HECW2: variants seen among roughly 807,000 people sequenced by gnomAD.
The protein encoded by HECW2 is HECT, C2 and WW domain containing E3 ubiquitin protein ligase 2, also known as E3 ubiquitin-protein ligase HECW2.
A neutral mutation model predicts 175.2 loss-of-function variants in HECW2; 61 were observed. That is an observed-to-expected ratio of 0.35 (90% confidence interval 0.28 to 0.43). The LOEUF (loss-of-function observed/expected upper bound fraction) is 0.43. Ranked by LOEUF, HECW2 falls within the 20% of genes least tolerant of loss-of-function variation. The pLI, the probability that HECW2 is intolerant of heterozygous loss-of-function variation, is 1.00. For missense variants in HECW2, 1,524 were observed against 2,000.5 expected (o/e 0.76, Z 4.54); for synonymous variants, 671 against 731.0 (o/e 0.92, Z 1.32).
At chr2:196,395,119 A>G (rs1694623398) in intron 2 of HECW2, among the ~76,000 whole-genome samples, 2 of 152,142 alleles carry the variant, frequency 1.3e-5, no homozygotes, top group Admixed American at 6.5e-5. Context: ...TACTATCATC[A>G]CCTTGGGGGT....
Position 196,308,035 on chromosome 2 carries a change from C to A in HECW2, c.2485G>T (p.Val829Leu). ...SHGRIFYVDH[V>L]NRTTTWQRPT... ...CGCTGCCACGTCGTGGTTCTGTTTA[C>A]GTGATCCACGTAGAAGATCCTGCCG... Residue 829 changes from valine (V) to leucine (L), a missense_variant, in exon 11 of 29, where the codon GTA (valine) becomes TTA (leucine). Val to Leu is a conservative substitution (Grantham distance 32, BLOSUM62 1). Coordinates refer to ENST00000644978, the MANE Select transcript of HECW2 (RefSeq NM_001348768.2). The A allele has an allele frequency of 6.2e-7, 1 of 1,600,552 alleles. No homozygotes were observed. The highest frequency in any genetic ancestry group is 8.5e-7 in the Non-Finnish European group (1 of 1,170,210).
chr2:196,356,618 A>G (rs1243075560), intron 2 of HECW2, among the ~76,000 whole-genome samples: 1 of 152,188 alleles, frequency 6.6e-6, no homozygotes. Flanking sequence ...GCATTTTGTC[A>G]TCTTGCATCA....
intron 1 of HECW2, among the ~76,000 whole-genome samples, chr2:196,556,310 T>G (rs147724076): frequency 2.6e-5 from 4 of 152,186 alleles, no homozygotes; most frequent in Non-Finnish European, 5.9e-5. Context: ...GGCGAGAATA[T>G]GTAAGATCTA....
intron 1 of HECW2, among the ~76,000 whole-genome samples, chr2:196,494,777 T>C (rs1575604628): frequency 1.3e-5 from 2 of 152,224 alleles, no homozygotes; most frequent in East Asian, 3.8e-4. Flanking sequence ...CTTAATCACT[T>C]GACAGATCTT....
intron 2 of HECW2, among the ~76,000 whole-genome samples, chr2:196,378,119 C>G (rs1694102312): frequency 6.6e-6 from 1 of 152,164 alleles, no homozygotes; most frequent in Non-Finnish European, 1.5e-5. Flanking sequence ...ATAAGTAGAG[C>G]AGAGTGGTTA....
intron 1 of HECW2, among the ~76,000 whole-genome samples, chr2:196,489,672 T>C (rs1687121352): frequency 6.6e-6 from 1 of 152,186 alleles, no homozygotes; most frequent in Non-Finnish European, 1.5e-5. Context: ...GCCCATCCAC[T>C]TGGCCCCAGA....
At chr2:196,317,521 G>C in intron 9 of HECW2, 152 bp from the exon 10 acceptor site, 1 of 636,162 alleles carries the variant, frequency 1.6e-6, no homozygotes. Flanking sequence ...CAAAAGAAGA[G>C]AATAGGAGGT....
intron 1 of HECW2, among the ~76,000 whole-genome samples, chr2:196,465,707 C>T (rs998040059): frequency 2.7e-5 from 4 of 149,590 alleles, no homozygotes; most frequent in African/African-American, 9.7e-5. Context: ...CATGCAAATA[C>T]GTGGCCGTTC....
chr2:196,271,584 G>A (rs527471039), intron 16 of HECW2, among the ~76,000 whole-genome samples: 2 of 151,996 alleles, frequency 1.3e-5, no homozygotes, highest in South Asian at 2.1e-4. Flanking sequence ...CACTGTGCCC[G>A]GCCTATAAAT....
At chr2:196,506,169 G>A (rs1364783750) in intron 1 of HECW2, among the ~76,000 whole-genome samples, 4 of 152,064 alleles carry the variant, frequency 2.6e-5, no homozygotes, top group African/African-American at 4.8e-5. Context: ...AGACCCAAAC[G>A]AGGTGAAAGT....
chr2:196,449,267 A>T (rs1696276573), intron 1 of HECW2, among the ~76,000 whole-genome samples: 1 of 152,148 alleles, frequency 6.6e-6, no homozygotes, highest in African/African-American at 2.4e-5. Flanking sequence ...TATGAGTTGT[A>T]TGGTCTGTGG....
intron 1 of HECW2, among the ~76,000 whole-genome samples, chr2:196,564,593 C>T (rs529316303): frequency 6.6e-6 from 1 of 152,138 alleles, no homozygotes; most frequent in African/African-American, 2.4e-5. Flanking sequence ...CTTATGAGTG[C>T]TGCTTTTTCT....
At chr2:196,509,131 T>C (rs1687860316) in intron 1 of HECW2, among the ~76,000 whole-genome samples, 1 of 152,154 alleles carries the variant, frequency 6.6e-6, no homozygotes, top group Non-Finnish European at 1.5e-5. Flanking sequence ...TTTTTTAACA[T>C]TTGCCAGTTT....
At chr2:196,494,106 A>G (rs7597702) in intron 1 of HECW2, among the ~76,000 whole-genome samples, 21,271 of 152,248 alleles carry the variant, frequency 0.14, 1,553 homozygotes, top group Middle Eastern at 0.22. Context: ...AGGCATTCCA[A>G]GAGAAAGGAA....
intron 1 of HECW2, among the ~76,000 whole-genome samples, chr2:196,473,735 G>A (rs13404182): frequency 0.035 from 5,276 of 152,274 alleles, 292 homozygotes; most frequent in African/African-American, 0.12. Flanking sequence ...GGCCTTATTC[G>A]TGTTGGATGC....
intron 1 of HECW2, among the ~76,000 whole-genome samples, chr2:196,516,324 T>C (rs13425663): frequency 0.014 from 2,159 of 152,314 alleles, 49 homozygotes; most frequent in African/African-American, 0.05. Flanking sequence ...ACTATTTCTC[T>C]TAAAGCCATT....
At chr2:196,514,418 G>A (rs932194536) in intron 1 of HECW2, among the ~76,000 whole-genome samples, 9 of 152,220 alleles carry the variant, frequency 5.9e-5, no homozygotes, top group Admixed American at 2.6e-4. Flanking sequence ...AGAAAAGCCT[G>A]GGAGCCATGA....
At chr2:196,222,633 C>T (rs1037254136) in intron 23 of HECW2, among the ~76,000 whole-genome samples, 3 of 152,142 alleles carry the variant, frequency 2.0e-5, no homozygotes, top group Non-Finnish European at 2.9e-5. Context: ...GTGCCATCTG[C>T]GCAGTCATCC....
chr2:196,333,398 C>G (rs1005475086), intron 4 of HECW2, among the ~76,000 whole-genome samples: 1 of 152,116 alleles, frequency 6.6e-6, no homozygotes, highest in Non-Finnish European at 1.5e-5. Context: ...CTATCAGAGA[C>G]AGCATAGGGT....
Sources: allele counts gnomAD v4.1 joint callset (sites outside exome capture counted in the v4.1 genomes callset), GRCh38; gene constraint gnomAD v4.1.1; transcripts MANE v1.5; gene names NCBI Gene and HGNC (gene_info 2026-07-23, HGNC 2026-07-21).